ARSF: variants seen among roughly 807,000 people sequenced by gnomAD.
The protein encoded by ARSF is arylsulfatase F.
A neutral mutation model predicts 35.4 loss-of-function variants in ARSF; 33 were observed. The observed-to-expected ratio is 0.93, with a 90% confidence interval of 0.71 to 1.25. ARSF has a LOEUF of 1.25. Ranked by LOEUF, ARSF falls within the 50% of genes most tolerant of loss-of-function variation. The probability of loss-of-function intolerance (pLI) is 0.00; values close to 1 mark genes in which losing one functional copy is unlikely to be tolerated. For synonymous variants in ARSF, 222 were observed against 193.1 expected (o/e 1.15, Z -1.24); for missense variants, 501 against 480.2 (o/e 1.04, Z -0.40).
chrX:3,057,516 G>A lies in ARSF; in HGVS notation c.-28-10557G>A, dbSNP rs143061192. ...CTAGGGAATGTGGCTAGGGAGTGTC[G>A]TCATCTTTACATCAAAGGCTATGCA... is the stretch of plus-strand genomic sequence containing the variant. On this transcript the variant is annotated intron_variant, in intron 1 of 10. Transcript: ENST00000381127. 9.6e-3 allele frequency among the ~76,000 whole-genome samples: 1,063 copies of A among 111,280 alleles called. 16 individuals carry two copies. Among genetic ancestry groups the A allele is most frequent in the African/African-American group, 0.033 (1,007 of 30,633 alleles).
chrX:3,046,515 C>T (rs1454932202), intron 1 of ARSF, among the ~76,000 whole-genome samples: 2 of 111,904 alleles, frequency 1.8e-5, no homozygotes, highest in African/African-American at 6.5e-5. Context: ...AAGGTCAAAG[C>T]CACCAGAGGA....
intron 2 of ARSF, among the ~76,000 whole-genome samples, chrX:3,069,963 G>T (rs1004708524): frequency 8.9e-6 from 1 of 111,796 alleles, no homozygotes; most frequent in Non-Finnish European, 1.9e-5. Flanking sequence ...ATTAACTACA[G>T]TCAGCACAAG....
rs768718580 is a variant in ARSF, at chrX:3,103,477, G to C, written c.1103-285G>C. Among the ~76,000 whole-genome samples the C allele has an allele frequency of 7.2e-5, 8 of 111,097 alleles. No individual in the cohort carries two copies. In the South Asian group the frequency reaches 3.1e-3, roughly 43 times the overall value. On this transcript the variant is annotated intron_variant, in intron 8 of 10. Transcript: ENST00000381127. ...TATGAGGGAGGTTGGAAATGAAGTA[G>C]GTGTATATTTGAGATAAGAACACTT...
chrX:3,044,256 T>A, intron 1 of ARSF, among the ~76,000 whole-genome samples: 1 of 112,396 alleles, frequency 8.9e-6, no homozygotes, highest in East Asian at 2.8e-4. Context: ...AAGACTAATT[T>A]GGTAAATTTA....
chrX:3,087,925 C>T (rs372578899), intron 6 of ARSF, among the ~76,000 whole-genome samples: 79 of 112,215 alleles, frequency 7.0e-4, no homozygotes, highest in African/African-American at 2.4e-3. Flanking sequence ...TTCAAGTGAA[C>T]GTGAATTTTG....
intron 7 of ARSF, among the ~76,000 whole-genome samples, chrX:3,089,983 G>A (rs1218538970): frequency 9.0e-6 from 1 of 110,886 alleles, no homozygotes; most frequent in African/African-American, 3.3e-5. Context: ...GGTGTATTAC[G>A]TGATGCTGAG....
Position 3,093,332 on chromosome X carries a change from G to C in ARSF, c.967+3700G>C, listed in dbSNP as rs937908713. Among the ~76,000 whole-genome samples, 4 of 111,777 alleles carry C rather than the reference G, an allele frequency of 3.6e-5. No homozygotes were observed. The South Asian group carries it at 1.1e-3, about 32-fold the overall frequency. Reference sequence around the variant, plus strand: ...ACCTGGGTATATTGCATGATGCCAAGATTTGAAGTACAATAGCTCCTGTCA... The same window carrying C: ...ACCTGGGTATATTGCATGATGCCAACATTTGAAGTACAATAGCTCCTGTCA... On this transcript the variant is annotated intron_variant, in intron 7 of 10. Coordinates refer to ENST00000381127, the MANE Select transcript of ARSF (RefSeq NM_001201539.2).
At chrX:3,084,997 T>G (rs1298321214) in intron 6 of ARSF, among the ~76,000 whole-genome samples, 2 of 111,140 alleles carry the variant, frequency 1.8e-5, no homozygotes, top group Non-Finnish European at 3.8e-5. Flanking sequence ...ATTAAAAATA[T>G]TGAGTTAGGA....
At chrX:3,065,245 T>C (rs1267640504) in intron 1 of ARSF, among the ~76,000 whole-genome samples, 2 of 80,464 alleles carry the variant, frequency 2.5e-5, no homozygotes, top group Non-Finnish European at 4.4e-5. Context: ...TGAGAACACT[T>C]GGACACAGGG....
rs188274947 is a variant in ARSF, at chrX:3,091,885, C to T, written c.967+2253C>T. Reference sequence around the variant, plus strand: ...GGATGATAGATAGATGATAAATAGACGATAGATGATCGATAGAAAGATAGA... The same window carrying T: ...GGATGATAGATAGATGATAAATAGATGATAGATGATCGATAGAAAGATAGA... On this transcript the variant is annotated intron_variant, in intron 7 of 10. Coordinates refer to ENST00000381127, the MANE Select transcript of ARSF (RefSeq NM_001201539.2). Among the ~76,000 whole-genome samples the T allele has an allele frequency of 4.4e-4, 48 of 109,317 alleles. No individual in the cohort carries two copies. In the South Asian group the frequency reaches 6.3e-3, roughly 14 times the overall value. The allele number at this position is 109,317 out of a possible 115,157, so 94.9% of individuals were successfully genotyped here.
chrX:3,091,699 G>T (rs2090291462), intron 7 of ARSF, among the ~76,000 whole-genome samples: 2 of 112,153 alleles, frequency 1.8e-5, no homozygotes, highest in Admixed American at 9.5e-5. Context: ...GTAGGTATAA[G>T]TGTGTGTGTC....
intron 9 of ARSF, among the ~76,000 whole-genome samples, chrX:3,106,189 G>A (rs1477015296): frequency 8.9e-6 from 1 of 112,229 alleles, no homozygotes; most frequent in Non-Finnish European, 1.9e-5. Flanking sequence ...TTCAGAGGAC[G>A]CACCATCTTT....
intron 1 of ARSF, among the ~76,000 whole-genome samples, chrX:3,053,075 C>T (rs73439650): frequency 1.5e-3 from 171 of 111,180 alleles, no homozygotes; most frequent in African/African-American, 5.0e-3. Flanking sequence ...TCCTGGGAAC[C>T]ATGCCCAGGA....
chrX:3,091,838 G>C (rs1487357782), intron 7 of ARSF, among the ~76,000 whole-genome samples: 1 of 109,556 alleles, frequency 9.1e-6, no homozygotes, highest in Non-Finnish European at 1.9e-5. Context: ...GTTGATAGAT[G>C]ATAGGTAGAT....
intron 1 of ARSF, among the ~76,000 whole-genome samples, chrX:3,043,647 G>A (rs1331787739): frequency 9.0e-6 from 1 of 111,073 alleles, no homozygotes; most frequent in Non-Finnish European, 1.9e-5. Context: ...ACTTTTGCTG[G>A]CTCCCGTAAT....
intron 4 of ARSF, among the ~76,000 whole-genome samples, chrX:3,079,722 A>G (rs1260769070): frequency 9.2e-6 from 1 of 108,161 alleles, no homozygotes; most frequent in African/African-American, 3.4e-5. Flanking sequence ...CACTTTGGGA[A>G]GCTGAGGAGG....
In ARSF at chrX:3,106,212, G is replaced by A. The variant is rs146229980; in HGVS notation, c.1265+2288G>A. Reference sequence around the variant, plus strand: ...ACGCACCATCTTTGTAGTTCAACGGGAAGTGGAAGAATATCGCGAAGATGA... The same window carrying A: ...ACGCACCATCTTTGTAGTTCAACGGAAAGTGGAAGAATATCGCGAAGATGA... On this transcript the variant is annotated intron_variant, in intron 9 of 10. Coordinates refer to ENST00000381127, the MANE Select transcript of ARSF (RefSeq NM_001201539.2). Among the ~76,000 whole-genome samples the A allele has an allele frequency of 6.9e-3, 779 of 112,124 alleles. 8 individuals carry two copies. Among genetic ancestry groups the A allele is most frequent in the African/African-American group, 0.024 (733 of 30,841 alleles).
chrX:3,050,416 C>T (rs2078255717), intron 1 of ARSF, among the ~76,000 whole-genome samples: 1 of 108,978 alleles, frequency 9.2e-6, no homozygotes, highest in Middle Eastern at 4.7e-3. Context: ...CGTCGTGGCA[C>T]GCACCTGTAA....
intron 7 of ARSF, among the ~76,000 whole-genome samples, chrX:3,098,020 A>AAT (rs200431073): frequency 0.016 from 1,493 of 95,958 alleles, 53 homozygotes; most frequent in East Asian, 0.14. Context: ...CTCAAAATAA[A>AAT]ATATATATAT....
Sources: allele counts gnomAD v4.1 joint callset (sites outside exome capture counted in the v4.1 genomes callset), GRCh38; gene constraint gnomAD v4.1.1; transcripts MANE v1.5; gene names NCBI Gene and HGNC (gene_info 2026-07-23, HGNC 2026-07-21).